Variants in PSMC1 observed in about 807,000 individuals in gnomAD.
The protein encoded by PSMC1 is proteasome 26S subunit, ATPase 1.
In PSMC1, 5 loss-of-function variants were observed where a neutral mutation model predicts 49.8. The observed-to-expected ratio is 0.10, with a 90% CI of 0.05 to 0.21. The LOEUF is 0.21. PSMC1 is among the 10% of genes least tolerant of loss of function. The pLI, the probability that PSMC1 is intolerant of heterozygous loss-of-function variation, is 1.00. For synonymous variants in PSMC1, 155 were observed against 192.1 expected (o/e 0.81, Z 1.60); for missense variants, 181 against 535.7 (o/e 0.34, Z 6.54).
At chr14:90,268,690 C>A in intron 8 of PSMC1, 1 of 327,516 alleles carries the variant, frequency 3.1e-6, no homozygotes, top group East Asian at 5.4e-5. Flanking sequence ...GTTGTGAGCA[C>A]AAGTCTCTGC....
chr14:90,262,149 T>G (rs1595040983), intron 3 of PSMC1, among the ~76,000 whole-genome samples: 3 of 43,920 alleles, frequency 6.8e-5, no homozygotes, highest in East Asian at 7.0e-4. Flanking sequence ...GGGCCTGTCG[T>G]GGGGTGGGGG....
Position 90,266,689 on chromosome 14 carries a change from G to T in PSMC1, c.691+1523G>T, listed in dbSNP as rs140691675. Reference sequence around the variant, plus strand: ...ACAAACAAGTCTGTCAGAGGAGCGGGCAGCTTGTTCAGTGAGCCCTCTGAC... The same window carrying T: ...ACAAACAAGTCTGTCAGAGGAGCGGTCAGCTTGTTCAGTGAGCCCTCTGAC... On this transcript the variant is annotated intron_variant, in intron 7 of 10. Transcript: ENST00000261303. 3.9e-5 allele frequency among the ~76,000 whole-genome samples: 6 copies of T among 152,328 alleles called. No homozygotes were observed. In the East Asian group the frequency reaches 1.2e-3, roughly 29 times the overall value.
chr14:90,266,524 A>G (rs1286580556), intron 7 of PSMC1, among the ~76,000 whole-genome samples: 1 of 152,174 alleles, frequency 6.6e-6, no homozygotes, highest in African/African-American at 2.4e-5. Context: ...ATGGCCGGTG[A>G]CTAGCCCAAG....
At chr14:90,268,607 G>A (rs1214287116) in intron 8 of PSMC1, 194 bp downstream of exon 8, 1 of 585,102 alleles carries the variant, frequency 1.7e-6, no homozygotes, top group African/African-American at 1.9e-5. Flanking sequence ...CGTCTGGAGA[G>A]ATTGGTCAGT....
Position 90,264,173 on chromosome 14 carries a change from T to C in PSMC1, c.594+4T>C, listed in dbSNP as rs776975979. 4 of 1,612,270 alleles carry C rather than the reference T, an allele frequency of 2.5e-6. No individual in the cohort carries two copies. Among genetic ancestry groups the C allele is most frequent in the Admixed American group, 1.7e-5 (1 of 59,164 alleles). ...CAACCAAATTCAGGAAATTAAGGTA[T>C]GATTGATTGGTAACCATCTCTGGGT... On this transcript the variant is annotated splice_donor_region_variant and intron_variant, in intron 6 of 10. Coordinates refer to ENST00000261303, the MANE Select transcript of PSMC1 (RefSeq NM_002802.3).
At chr14:90,266,873 T>C (rs1176673095) in intron 7 of PSMC1, among the ~76,000 whole-genome samples, 2 of 152,214 alleles carry the variant, frequency 1.3e-5, no homozygotes, top group Non-Finnish European at 2.9e-5. Context: ...AAAAGCAACA[T>C]CATTGCCACA....
In PSMC1 at chr14:90,272,176, G is replaced by A; in HGVS notation, c.1189-97G>A. On this transcript the variant is annotated intron_variant, in intron 10 of 10. Transcript: ENST00000261303. This position sits in a 1 kb window ranked among gnomAD's most constrained non-coding sequence, Gnocchi z 4.5. ...CCCAGAGTGCTGGGATTACAGGTGT[G>A]AGCCACCGCGCCTGGCCTCAGAATA... 1.4e-6 allele frequency: 2 copies of A among 1,399,102 alleles called. No individual in the cohort carries two copies. The highest frequency in any genetic ancestry group is 2.0e-6 in the Non-Finnish European group (2 of 1,024,484). The allele number at this position is 1,399,102 out of a possible 1,614,324, so 86.7% of individuals were successfully genotyped here.
Position 90,256,575 on chromosome 14 carries a change from G to A in PSMC1, c.-23G>A, listed in dbSNP as rs1322960046. The A allele has an allele frequency of 1.9e-6, 3 of 1,584,990 alleles. No individual in the cohort carries two copies. Among genetic ancestry groups the A allele is most frequent in the Admixed American group, 1.8e-5 (1 of 55,544 alleles). ...AGTGGTGGAGGAACTTCCGGCAGCG[G>A]CAGCTCAAGTGGCCAAGGCAAGATG... On this transcript the variant is annotated 5_prime_UTR_variant, in exon 1 of 11. Coordinates refer to ENST00000261303, the MANE Select transcript of PSMC1 (RefSeq NM_002802.3).
chr14:90,261,934 T>C (rs1891405873), intron 3 of PSMC1, among the ~76,000 whole-genome samples: 1 of 151,628 alleles, frequency 6.6e-6, no homozygotes, highest in South Asian at 2.1e-4. Context: ...ATGAAGAAAA[T>C]GTGGCACATA....
chr14:90,259,348 A>G (rs1360083270), intron 2 of PSMC1, 135 bp downstream of exon 2: 1 of 691,432 alleles, frequency 1.4e-6, no homozygotes, highest in Non-Finnish European at 2.4e-6. Flanking sequence ...AGCCTGTCCT[A>G]CAGATACAAT....
At chr14:90,266,361 C>T (rs1363377374) in intron 7 of PSMC1, among the ~76,000 whole-genome samples, 3 of 152,194 alleles carry the variant, frequency 2.0e-5, no homozygotes, top group Non-Finnish European at 4.4e-5. Flanking sequence ...GAAGCACAGT[C>T]ATTTGAGAGA....
At chr14:90,261,274 C>T (rs1891392529) in intron 3 of PSMC1, among the ~76,000 whole-genome samples, 1 of 152,168 alleles carries the variant, frequency 6.6e-6, no homozygotes, top group South Asian at 2.1e-4. Flanking sequence ...AGCTCAAATA[C>T]CTCCCCAAAT....
In PSMC1 at chr14:90,273,437, A is replaced by G. The variant is rs1460622602; in HGVS notation, c.*1030A>G. On this transcript the variant is annotated 3_prime_UTR_variant, in exon 11 of 11. Transcript: ENST00000261303. The stretch of plus-strand genomic sequence containing the variant: ...GCTGTGCGTGGTGGCAGGTGCCTGT[A>G]GTCCCAGCTACTCAGGAGGCTGAGG... 1 of 152,228 alleles carries G rather than the reference A, an allele frequency of 6.6e-6. No individual in the cohort carries two copies. Among genetic ancestry groups the G allele is most frequent in the African/African-American group, 2.4e-5 (1 of 41,444 alleles). The allele number at this position is 152,228 out of a possible 1,614,324, so 9.4% of individuals were successfully genotyped here.
chr14:90,263,521 G>A, intron 4 of PSMC1, 79 bp downstream of exon 4: 1 of 1,473,122 alleles, frequency 6.8e-7, no homozygotes, highest in Admixed American at 2.3e-5. Flanking sequence ...TGAAATTCAA[G>A]TAGCTGAACC....
chr14:90,258,203 CA>C, intron 1 of PSMC1, among the ~76,000 whole-genome samples: 1 of 152,108 alleles, frequency 6.6e-6, no homozygotes, highest in Non-Finnish European at 1.5e-5. Context: ...TTCTTATCTG[CA>C]AATGAGGGGG....
In PSMC1 at chr14:90,270,498, T is replaced by C. The variant is rs138164490; in HGVS notation, c.1188+146T>C. The C allele has an allele frequency of 4.0e-4, 353 of 880,322 alleles. 2 individuals are homozygous for C. The African/African-American group carries it at 5.5e-3, about 14-fold the overall frequency. The allele number at this position is 880,322 out of a possible 1,614,324, so 54.5% of individuals were successfully genotyped here. On this transcript the variant is annotated intron_variant, in intron 10 of 10. Transcript: ENST00000261303. ...ATATTGGTTTACGATTACATCCAAATGGTATATGTGCTTGATATTGAAGTC... is the reference window on the plus strand; with the variant it reads ...ATATTGGTTTACGATTACATCCAAACGGTATATGTGCTTGATATTGAAGTC...
At chr14:90,257,758 A>G (rs939343920) in intron 1 of PSMC1, among the ~76,000 whole-genome samples, 2 of 151,970 alleles carry the variant, frequency 1.3e-5, no homozygotes, top group Non-Finnish European at 2.9e-5. Context: ...ACGCCCGGCT[A>G]ATTTTTGTAT....
intron 6 of PSMC1, 123 bp downstream of exon 6, chr14:90,264,292 C>G: frequency 2.9e-6 from 4 of 1,358,362 alleles, no homozygotes; most frequent in Non-Finnish European, 3.0e-6. Context: ...TGAGTCAGAG[C>G]TTGCCAGTTG....
chr14:90,269,721 T>TC, intron 9 of PSMC1, 173 bp downstream of exon 9: 3 of 634,186 alleles, frequency 4.7e-6, no homozygotes, highest in Non-Finnish European at 7.9e-6. Flanking sequence ...CAGAGCATGA[T>TC]ATGGTCTGTG....
Sources: allele counts gnomAD v4.1 joint callset (sites outside exome capture counted in the v4.1 genomes callset), GRCh38; gene constraint gnomAD v4.1.1; non-coding constraint Gnocchi (gnomAD v3.1); transcripts MANE v1.5; gene names NCBI Gene and HGNC (gene_info 2026-07-23, HGNC 2026-07-21).